ARHGAP27: variants seen among roughly 807,000 people sequenced by gnomAD.
ARHGAP27 encodes Rho GTPase activating protein 27.
Under a neutral mutation model 102.0 loss-of-function variants are expected in ARHGAP27, and 53 were observed. That is an observed-to-expected ratio of 0.52 (90% CI 0.42 to 0.65). The LOEUF is 0.65. Among genes scored for constraint, ARHGAP27 ranks in the 30% least tolerant of loss-of-function variants. The pLI is 0.00. For synonymous variants in ARHGAP27, 525 were observed against 542.8 expected (o/e 0.97, Z 0.46); for missense variants, 1,117 against 1,256.2 (o/e 0.89, Z 1.68).
intron 4 of ARHGAP27, among the ~76,000 whole-genome samples, chr17:45,421,828 T>C (rs980943301): frequency 1.3e-5 from 2 of 152,210 alleles, no homozygotes; most frequent in African/African-American, 4.8e-5. Flanking sequence ...TGTGAACAGA[T>C]TGAATTCTCC....
intron 4 of ARHGAP27, among the ~76,000 whole-genome samples, chr17:45,411,698 G>C (rs11657802): frequency 0.055 from 8,423 of 152,190 alleles, 339 homozygotes; most frequent in Non-Finnish European, 0.084. Context: ...CGCTATCAGG[G>C]TGGAGGACAG....
chr17:45,425,470 G>T, intron 4 of ARHGAP27: 1 of 820,096 alleles, frequency 1.2e-6, no homozygotes, highest in Non-Finnish European at 1.5e-6. Flanking sequence ...GAGGGGAGGG[G>T]CCCCCAGATG....
intron 10 of ARHGAP27, 142 bp downstream of exon 10, chr17:45,403,887 T>C: frequency 1.9e-6 from 2 of 1,054,304 alleles, no homozygotes; most frequent in Non-Finnish European, 2.8e-6. Context: ...AGTCACTTTA[T>C]CTCACAGTGT....
Position 45,404,546 on chromosome 17 carries a change from G to A in ARHGAP27, c.1330-18C>T. 1 of 1,613,624 alleles carries A rather than the reference G, an allele frequency of 6.2e-7. No homozygotes were observed. Among genetic ancestry groups the A allele is most frequent in the Non-Finnish European group, 8.5e-7 (1 of 1,179,786 alleles). ...ACAGGGACCTGGGGAGAAAGACACA[G>A]TCGTATATGATCTCTTCCTCTCTCC... On this transcript the variant is annotated intron_variant, in intron 7 of 19. Transcript: ENST00000685559.
chr17:45,401,752 A>G (rs1218552417), intron 12 of ARHGAP27: 1 of 152,214 alleles, frequency 6.6e-6, no homozygotes, highest in African/African-American at 2.4e-5. Context: ...TATTTGTTCA[A>G]CAACAAAGAG....
intron 4 of ARHGAP27, among the ~76,000 whole-genome samples, chr17:45,428,727 C>A (rs1567740034): frequency 3.3e-5 from 5 of 152,230 alleles, no homozygotes; most frequent in African/African-American, 1.2e-4. Context: ...AAGAACAAAC[C>A]GAGACCCTAA....
chr17:45,432,628 G>A (rs969682035), intron 1 of ARHGAP27, 124 bp downstream of exon 1: 7 of 151,760 alleles, frequency 4.6e-5, no homozygotes, highest in Admixed American at 3.9e-4. Flanking sequence ...CGGAGCTCCC[G>A]GGTGCGGACC....
In ARHGAP27 at chr17:45,396,256, G is replaced by A; in HGVS notation, c.2202C>T (p.Ile734=). The A allele has an allele frequency of 6.2e-7, 1 of 1,613,448 alleles. No homozygotes were observed. Residue 734 remains isoleucine, a synonymous_variant, in exon 17 of 20, where the codon ATC becomes ATT. Coordinates refer to ENST00000685559, the MANE Select transcript of ARHGAP27 (RefSeq NM_001282290.2). The stretch of plus-strand genomic sequence containing the variant: ...TCTGGATGGTGGCCAGGTTTCCACT[G>A]ATGCGGTACAGCCCGTCGATGTCCA... The part of the protein sequence containing the change: ...RGLDIDGLYR[I]SGNLATIQKL...
rs1055962682 is a variant in ARHGAP27 at position 45,427,171 on chromosome 17, G to A, written c.657+2452C>T. 1.5e-4 allele frequency among the ~76,000 whole-genome samples: 22 copies of A among 150,760 alleles called. No individual in the cohort carries two copies. ...AACCTCTGTTTCCACACATGCCCAC[G>A]AGACCACCAAGAGCTTCAGCCATTC... On this transcript the variant is annotated intron_variant, in intron 4 of 19. Transcript: ENST00000685559. This position sits in a 1 kb window ranked among gnomAD's most constrained non-coding sequence, Gnocchi z 4.5.
chr17:45,415,314 T>C (rs1290892128), intron 4 of ARHGAP27, among the ~76,000 whole-genome samples: 1 of 152,118 alleles, frequency 6.6e-6, no homozygotes, highest in Non-Finnish European at 1.5e-5. Context: ...CCAGGCCTCC[T>C]AGTTTTCCTT....
intron 4 of ARHGAP27, among the ~76,000 whole-genome samples, chr17:45,421,939 G>A (rs1365244902): frequency 1.3e-5 from 2 of 152,216 alleles, no homozygotes; most frequent in African/African-American, 2.4e-5. Flanking sequence ...GGTGAGGCAG[G>A]TGGATCACTT....
intron 4 of ARHGAP27, chr17:45,425,769 G>T: frequency 2.9e-6 from 1 of 342,998 alleles, no homozygotes; most frequent in Non-Finnish European, 4.1e-6. Context: ...TCTGGGCGGG[G>T]ATGGTGACCG....
In ARHGAP27 at chr17:45,429,631, C is replaced by A. The variant is rs868785048; in HGVS notation, c.649G>T (p.Ala217Ser). ...DLHVPPPEES[A>S]EQVDDPPEPV... The stretch of plus-strand genomic sequence containing the variant: ...AGCGCCCGGGGAGGTACCTGCTCTG[C>A]GCTCTCCTCCGGCGGCGGGACGTGC... The change falls in exon 4 of 20, where the codon GCA becomes TCA. Residue 217 changes from alanine to serine, a missense_variant. By Grantham distance (99) the Ala-to-Ser change is moderately conservative. Transcript: ENST00000685559. 6.3e-7 allele frequency: 1 copy of A among 1,581,710 alleles called. No homozygotes were observed. Among genetic ancestry groups the A allele is most frequent in the South Asian group, 1.1e-5 (1 of 87,776 alleles).
Position 45,396,648 on chromosome 17 carries a change from C to T in ARHGAP27, c.2074+20G>A. The T allele has an allele frequency of 6.2e-7, 1 of 1,613,030 alleles. No individual in the cohort carries two copies. Among genetic ancestry groups the T allele is most frequent in the South Asian group, 1.1e-5 (1 of 91,070 alleles). ...CCCCGTCCCGGTCCCGGGTCCCCGCCCCCCGCAGGCCTCGGGTACCTTTGA... is the reference window on the plus strand; with the variant it reads ...CCCCGTCCCGGTCCCGGGTCCCCGCTCCCCGCAGGCCTCGGGTACCTTTGA... On this transcript the variant is annotated intron_variant, in intron 15 of 19. Transcript: ENST00000685559.
At chr17:45,428,158 C>T (rs1389012083) in intron 4 of ARHGAP27, among the ~76,000 whole-genome samples, 1 of 152,236 alleles carries the variant, frequency 6.6e-6, no homozygotes, top group Admixed American at 6.5e-5. Context: ...GATGGGCAGG[C>T]ACCCTCCCAC....
chr17:45,399,990 TA>T (rs1313282629), intron 12 of ARHGAP27, among the ~76,000 whole-genome samples: 1 of 152,130 alleles, frequency 6.6e-6, no homozygotes, highest in East Asian at 1.9e-4. Context: ...AGTGAGACCC[TA>T]TATCTAGAAA....
At chr17:45,421,412 G>A (rs762784806) in intron 4 of ARHGAP27, among the ~76,000 whole-genome samples, 2 of 151,772 alleles carry the variant, frequency 1.3e-5, no homozygotes, top group Non-Finnish European at 2.9e-5. Context: ...AACCCAGGAG[G>A]TCGAGGCTGC....
chr17:45,396,829 G>A (rs993635880), intron 14 of ARHGAP27, 39 bp from the exon 15 acceptor site: 3 of 1,606,236 alleles, frequency 1.9e-6, no homozygotes, highest in Admixed American at 1.7e-5. Context: ...AGGAGGCAGC[G>A]CCAGGGCAGG....
chr17:45,406,058 T>C lies in ARHGAP27; in HGVS notation c.683A>G (p.Tyr228Cys), dbSNP rs970775635. ...CCGGGGCTGCCTCTCTATGTTCGCG[T>C]ACACGGGCTCCGGTGGGTCGTCCAC... ...EQVDDPPEPV[Y>C]ANIERQPRAT... is the part of the protein sequence containing the mutation. The change falls in exon 5 of 20, where the codon TAC becomes TGC. Residue 228 changes from tyrosine (Y) to cysteine (C), a missense_variant. Coordinates refer to ENST00000685559, the MANE Select transcript of ARHGAP27 (RefSeq NM_001282290.2). 9.1e-5 allele frequency: 139 copies of C among 1,529,094 alleles called. No individual in the cohort carries two copies. The highest frequency in any genetic ancestry group is 1.2e-4 in the Non-Finnish European group (133 of 1,142,042). 94.7% of individuals were successfully genotyped at this position (1,529,094 alleles called of 1,614,324 possible).
Sources: gnomAD v4.1 joint callset for allele counts (sites outside exome capture counted in the v4.1 genomes callset) on GRCh38, gnomAD v4.1.1 for gene constraint, Gnocchi (gnomAD v3.1) non-coding constraint, MANE v1.5 for transcripts, NCBI Gene and HGNC (gene_info 2026-07-23, HGNC 2026-07-21) for gene names.